TRUB1: variants seen among roughly 807,000 people sequenced by gnomAD.
TRUB1 encodes the protein pseudouridylate synthase TRUB1.
A neutral mutation model predicts 33.9 loss-of-function variants in TRUB1; 23 were observed. The observed-to-expected ratio is 0.68, with a 90% CI of 0.49 to 0.96. The LOEUF is 0.96. Ranked by LOEUF, TRUB1 falls within the 40% of genes least tolerant of loss-of-function variation. The pLI is 0.00. For synonymous variants in TRUB1, 163 were observed against 165.4 expected (o/e 0.99, Z 0.11); for missense variants, 378 against 422.2 (o/e 0.90, Z 0.92).
chr10:114,957,632 C>T (rs972334051), intron 3 of TRUB1, among the ~76,000 whole-genome samples: 1 of 152,078 alleles, frequency 6.6e-6, no homozygotes, highest in African/African-American at 2.4e-5. Flanking sequence ...AAGGTTTGAT[C>T]CTTAGAGAAG....
chr10:114,939,938 T>C (rs931646430), intron 1 of TRUB1, among the ~76,000 whole-genome samples: 2 of 152,116 alleles, frequency 1.3e-5, no homozygotes, highest in Non-Finnish European at 2.9e-5. Context: ...CTGAAGTTTC[T>C]TGTTGAATCT....
rs772758337 is a variant in TRUB1 at position 114,970,356 on chromosome 10, G to T, written c.524-12G>T. 13 of 1,589,792 alleles carry T rather than the reference G, an allele frequency of 8.2e-6. No homozygotes were observed. The East Asian group carries it at 2.0e-4, about 25-fold the overall frequency. Reference sequence around the variant, plus strand: ...TGGTTGTTTTAGTGTCTTTTTTGTTGATTTTTGGCAGATAAAATAACACAA... The same window carrying T: ...TGGTTGTTTTAGTGTCTTTTTTGTTTATTTTTGGCAGATAAAATAACACAA... On this transcript the variant is annotated splice_polypyrimidine_tract_variant and intron_variant, in intron 4 of 7. Transcript: ENST00000298746.
chr10:114,970,518 G>C (rs994535454), intron 5 of TRUB1, 78 bp downstream of exon 5: 1 of 1,097,770 alleles, frequency 9.1e-7, no homozygotes, highest in Non-Finnish European at 1.4e-6. Flanking sequence ...TAAAATACAC[G>C]AGTTTCCTCT....
intron 2 of TRUB1, among the ~76,000 whole-genome samples, 159 bp downstream of exon 2, chr10:114,942,902 C>T (rs1446346968): frequency 6.6e-6 from 1 of 152,108 alleles, no homozygotes; most frequent in Non-Finnish European, 1.5e-5. Flanking sequence ...TTAAAGAAGC[C>T]CTTAAATGGT....
intron 7 of TRUB1, 100 bp downstream of exon 7, chr10:114,974,485 C>G: frequency 1.0e-6 from 1 of 981,850 alleles, no homozygotes; most frequent in Non-Finnish European, 1.6e-6. Context: ...GAGTACTGGC[C>G]TTAGGAACTG....
Position 114,972,374 on chromosome 10 carries a change from A to AT in TRUB1, c.736+106dup, listed in dbSNP as rs2084340983. On this transcript the variant is annotated intron_variant, in intron 6 of 7. Transcript: ENST00000298746. ...TTAATAGATCCGTAGGATGTTGGAG[A>AT]TTTTTTAAAATTTGAATTTAAGGAA... 4.5e-6 allele frequency: 6 copies of AT among 1,324,584 alleles called. No individual in the cohort carries two copies. In the South Asian group the frequency reaches 7.6e-5, roughly 17 times the overall value. The allele number at this position is 1,324,584 out of a possible 1,614,324, so 82.1% of individuals were successfully genotyped here. A position where few individuals can be genotyped will look rare whatever the true frequency, so the allele number is the denominator to read the frequency against.
intron 2 of TRUB1, among the ~76,000 whole-genome samples, chr10:114,946,177 C>T (rs994169159): frequency 6.6e-6 from 1 of 152,044 alleles, no homozygotes; most frequent in East Asian, 1.9e-4. Context: ...TGTATACATC[C>T]TAAGAAAATC....
intron 2 of TRUB1, among the ~76,000 whole-genome samples, chr10:114,946,199 C>T (rs2084210462): frequency 6.6e-6 from 1 of 152,160 alleles, no homozygotes; most frequent in Non-Finnish European, 1.5e-5. Context: ...CGTAACTTCA[C>T]TGAACGTGTC....
intron 6 of TRUB1, 111 bp from the exon 7 acceptor site, chr10:114,974,218 C>A: frequency 1.3e-6 from 1 of 749,972 alleles, no homozygotes; most frequent in Non-Finnish European, 2.3e-6. Flanking sequence ...AATATTTTAT[C>A]ACTCAATTGT....
intron 1 of TRUB1, 52 bp from the exon 2 acceptor site, chr10:114,942,593 C>T: frequency 1.7e-6 from 2 of 1,210,352 alleles, no homozygotes; most frequent in Admixed American, 1.8e-5. Flanking sequence ...TATGAAGATC[C>T]TACTTCATTT....
At chr10:114,970,779 C>T (rs7092748) in intron 5 of TRUB1, among the ~76,000 whole-genome samples, 15,209 of 152,250 alleles carry the variant, frequency 0.1, 1,520 homozygotes, top group African/African-American at 0.26. Context: ...GGACCAGTCC[C>T]GTCTGGGAGG....
intron 5 of TRUB1, among the ~76,000 whole-genome samples, chr10:114,971,805 T>A (rs969978225): frequency 6.6e-6 from 1 of 152,166 alleles, no homozygotes; most frequent in Non-Finnish European, 1.5e-5. Context: ...TTGTGCCTTT[T>A]AACACAGAAT....
intron 4 of TRUB1, 97 bp downstream of exon 4, chr10:114,959,904 T>C (rs2084278194): frequency 1.4e-6 from 1 of 717,216 alleles, no homozygotes; most frequent in Non-Finnish European, 2.4e-6. Flanking sequence ...TTATCAGCCA[T>C]TTTAATTCTC....
At chr10:114,947,564 C>A (rs2084216684) in intron 2 of TRUB1, among the ~76,000 whole-genome samples, 1 of 152,020 alleles carries the variant, frequency 6.6e-6, no homozygotes, top group African/African-American at 2.4e-5. Flanking sequence ...ACATTTTTGC[C>A]ATATTTCCTT....
chr10:114,969,288 G>A (rs756355781), intron 4 of TRUB1, among the ~76,000 whole-genome samples: 19 of 151,242 alleles, frequency 1.3e-4, no homozygotes, highest in Non-Finnish European at 2.5e-4. Context: ...CAAAAAGTAG[G>A]CATGTGTGGT....
chr10:114,939,898 C>T (rs1243040650), intron 1 of TRUB1, among the ~76,000 whole-genome samples: 1 of 146,476 alleles, frequency 6.8e-6, no homozygotes, highest in African/African-American at 2.6e-5. Context: ...AAGCCATATT[C>T]TGGCCTTCTG....
At chr10:114,950,364 G>A (rs1349131268) in intron 2 of TRUB1, among the ~76,000 whole-genome samples, 1 of 152,132 alleles carries the variant, frequency 6.6e-6, no homozygotes, top group Non-Finnish European at 1.5e-5. Context: ...CTGAATTGTG[G>A]TGATTGTATT....
At position 114,959,593 on chromosome 10, in the gene TRUB1, G is replaced by T. The variant is rs112698525; in HGVS notation, c.442-133G>T. ...TCCACATATTAAAAACAAAACAATT[G>T]CAGTCTGTTGTTTTAGCCTGTATTT... On this transcript the variant is annotated intron_variant, in intron 3 of 7. Transcript: ENST00000298746. 3 of 664,258 alleles carry T rather than the reference G, an allele frequency of 4.5e-6. No individual in the cohort carries two copies. In the South Asian group the frequency reaches 5.5e-5, roughly 12 times the overall value. 41.1% of individuals were successfully genotyped at this position (664,258 alleles called of 1,614,324 possible). A position where few individuals can be genotyped will look rare whatever the true frequency, so the allele number is the denominator to read the frequency against.
rs776823750 is a variant in TRUB1 at position 114,938,414 on chromosome 10, C to A, written c.161C>A (p.Ala54Asp). Reference protein sequence around the residue: ...VAAAARTGSEARVSKAALATK... With the variant: ...VAAAARTGSEDRVSKAALATK... ...GCCGCGGCCAGGACCGGATCCGAAG[C>A]CAGGGTCTCCAAGGCCGCTTTGGCT... is the stretch of plus-strand genomic sequence containing the variant. The change falls in exon 1 of 8, where the codon GCC (alanine) becomes GAC (aspartate). Residue 54 changes from alanine (A) to aspartate (D), a missense_variant. Transcript: ENST00000298746. 1.2e-6 allele frequency: 2 copies of A among 1,600,200 alleles called. No homozygotes were observed. Among genetic ancestry groups the A allele is most frequent in the Admixed American group, 1.8e-5 (1 of 56,832 alleles).
Sources: gnomAD v4.1 joint callset for allele counts (sites outside exome capture counted in the v4.1 genomes callset) on GRCh38, gnomAD v4.1.1 for gene constraint, MANE v1.5 for transcripts, NCBI Gene and HGNC (gene_info 2026-07-23, HGNC 2026-07-21) for gene names.